Variants in CSNK1G3 observed in about 807,000 individuals in gnomAD.
CSNK1G3 encodes the protein casein kinase 1 gamma 3.
Under a neutral mutation model 64.3 loss-of-function variants are expected in CSNK1G3, and 23 were observed. The ratio of observed to expected loss-of-function variants is 0.36; its 90% CI spans 0.26 to 0.51. The LOEUF is 0.51. CSNK1G3 is among the 20% of genes least tolerant of loss of function. The pLI is 0.96. For synonymous variants in CSNK1G3, 158 were observed against 162.2 expected, an observed-to-expected ratio of 0.97 and a Z score of 0.20; for missense variants, 357 against 510.5, an observed-to-expected ratio of 0.70 and a Z score of 2.90.
At chr5:123,614,416 C>T (rs376283062) in exon 13 of CSNK1G3, 1 of 1,602,492 alleles carries the variant, frequency 6.2e-7, no homozygotes, top group African/African-American at 1.4e-5. Flanking sequence ...CAGACAGATC[C>T]TGGGGAGTTA....
intron 6 of CSNK1G3, among the ~76,000 whole-genome samples, chr5:123,587,195 T>C (rs1266132757): frequency 1.3e-5 from 2 of 152,248 alleles, no homozygotes; most frequent in African/African-American, 2.4e-5. Flanking sequence ...AGCCATACTT[T>C]GAAAAGTTTG....
chr5:123,536,283 A>G (rs979586561), intron 1 of CSNK1G3, among the ~76,000 whole-genome samples: 3 of 152,098 alleles, frequency 2.0e-5, no homozygotes, highest in African/African-American at 4.8e-5. Context: ...ACTTCATTGT[A>G]ATACTGGAAT....
At chr5:123,526,230 TA>T (rs1486524989) in intron 1 of CSNK1G3, among the ~76,000 whole-genome samples, 2 of 151,638 alleles carry the variant, frequency 1.3e-5, no homozygotes, top group East Asian at 1.9e-4. Context: ...TTATTATTAT[TA>T]TTTTTTTGTA....
At chr5:123,520,934 T>C (rs193259938) in intron 1 of CSNK1G3, among the ~76,000 whole-genome samples, 90 of 152,212 alleles carry the variant, frequency 5.9e-4, no homozygotes, top group Admixed American at 2.5e-3. Flanking sequence ...GAAATACTTA[T>C]TTTATATTCT....
At chr5:123,596,586 G>T (rs1793484252) in intron 10 of CSNK1G3, among the ~76,000 whole-genome samples, 1 of 152,076 alleles carries the variant, frequency 6.6e-6, no homozygotes, top group African/African-American at 2.4e-5. Context: ...GACTGTCAAA[G>T]GGTGAATGAA....
chr5:123,564,895 C>T (rs970851573), intron 4 of CSNK1G3, among the ~76,000 whole-genome samples: 3 of 152,140 alleles, frequency 2.0e-5, no homozygotes, highest in African/African-American at 7.2e-5. Context: ...GCTAGGACAG[C>T]ACTTCTTAAA....
chr5:123,576,878 T>A (rs559238833), intron 6 of CSNK1G3, among the ~76,000 whole-genome samples: 22 of 152,140 alleles, frequency 1.4e-4, no homozygotes, highest in Admixed American at 1.3e-3. Context: ...CATCCATTGA[T>A]GATTTTCTAA....
At chr5:123,569,742 A>G (rs1400040936) in intron 4 of CSNK1G3, among the ~76,000 whole-genome samples, 1 of 152,140 alleles carries the variant, frequency 6.6e-6, no homozygotes, top group Non-Finnish European at 1.5e-5. Flanking sequence ...ATTCTTGAGA[A>G]TGCTTTTTAT....
intron 4 of CSNK1G3, among the ~76,000 whole-genome samples, chr5:123,572,018 A>G (rs1788212693): frequency 6.6e-6 from 1 of 152,200 alleles, no homozygotes. Flanking sequence ...TGAGAGAGTT[A>G]CCCTTGGCTA....
intron 4 of CSNK1G3, among the ~76,000 whole-genome samples, chr5:123,571,267 T>G (rs1456812377): frequency 1.3e-5 from 2 of 152,088 alleles, no homozygotes; most frequent in Admixed American, 6.6e-5. Flanking sequence ...CACTATCTTT[T>G]TTTGTTTGTT....
intron 10 of CSNK1G3, among the ~76,000 whole-genome samples, chr5:123,591,765 C>G (rs183193198): frequency 4.6e-5 from 7 of 152,126 alleles, no homozygotes; most frequent in African/African-American, 7.2e-5. Context: ...AGCTACTGTT[C>G]TACACATTAT....
chr5:123,580,430 T>G (rs1344453287), intron 6 of CSNK1G3, among the ~76,000 whole-genome samples: 1 of 152,002 alleles, frequency 6.6e-6, no homozygotes, highest in East Asian at 1.9e-4. Flanking sequence ...ATTTTATTCT[T>G]GTAGTATCTG....
intron 10 of CSNK1G3, among the ~76,000 whole-genome samples, chr5:123,592,476 T>G (rs1484382843): frequency 6.6e-6 from 1 of 151,858 alleles, no homozygotes; most frequent in East Asian, 1.9e-4. Flanking sequence ...TTTTTTTTGG[T>G]AAAAAAGTTT....
At position 123,560,749 on chromosome 5, in the gene CSNK1G3, G is replaced by A. The variant is rs1301865195; in HGVS notation, c.289+3185G>A. On this transcript the variant is annotated intron_variant, in intron 4 of 12. Coordinates refer to ENST00000345990, the Ensembl canonical transcript of CSNK1G3. ...AGGACAAATAAATTTCACTTAACAT[G>A]AGGTTGGAATAGTCAAATTCATAGA... 2.0e-5 allele frequency among the ~76,000 whole-genome samples: 3 copies of A among 152,136 alleles called. No homozygotes were observed. The East Asian group carries it at 5.8e-4, about 29-fold the overall frequency.
At chr5:123,605,587 A>G (rs1318661892) in intron 12 of CSNK1G3, among the ~76,000 whole-genome samples, 2 of 152,072 alleles carry the variant, frequency 1.3e-5, no homozygotes, top group South Asian at 2.1e-4. Context: ...AGTGACATAG[A>G]TTTGGGGCCA....
At chr5:123,593,708 C>T (rs752941647) in intron 10 of CSNK1G3, among the ~76,000 whole-genome samples, 5 of 152,002 alleles carry the variant, frequency 3.3e-5, no homozygotes, top group East Asian at 3.8e-4. Context: ...GAGGGTTTAA[C>T]GAAAAGACAT....
intron 4 of CSNK1G3, among the ~76,000 whole-genome samples, chr5:123,562,667 T>C: frequency 1.3e-5 from 2 of 152,188 alleles, no homozygotes; most frequent in East Asian, 3.9e-4. Flanking sequence ...ATTCTAAAAA[T>C]TAATTTCATT....
chr5:123,535,627 A>G (rs1167159655), intron 1 of CSNK1G3, among the ~76,000 whole-genome samples: 2 of 152,174 alleles, frequency 1.3e-5, no homozygotes, highest in Non-Finnish European at 2.9e-5. Flanking sequence ...ACTAGATGGA[A>G]TAAAATAGGA....
intron 3 of CSNK1G3, among the ~76,000 whole-genome samples, chr5:123,556,499 CTATA>C (rs1256438694): frequency 6.6e-6 from 1 of 151,924 alleles, no homozygotes; most frequent in Non-Finnish European, 1.5e-5. Context: ...ATGATGCATT[CTATA>C]TAGTTTTTCT....
Sources: gnomAD v4.1 joint callset for allele counts (sites outside exome capture counted in the v4.1 genomes callset) on GRCh38, gnomAD v4.1.1 for gene constraint, MANE v1.5 for transcripts, NCBI Gene and HGNC (gene_info 2026-07-23, HGNC 2026-07-21) for gene names.